The following DNAJC10 variants were observed in gnomAD, a reference collection of about 807,000 sequenced individuals.
DNAJC10 encodes endoplasmic reticulum disulfide reductase DNAJC10.
Under a neutral mutation model 115.0 loss-of-function variants are expected in DNAJC10, and 101 were observed. The ratio of observed to expected loss-of-function variants is 0.88; its 90% confidence interval spans 0.75 to 1.04. The LOEUF is 1.04. Ranked by LOEUF, DNAJC10 falls within the 50% of genes least tolerant of loss-of-function variation. The pLI, the probability that DNAJC10 is intolerant of heterozygous loss-of-function variation, is 0.00. For synonymous variants in DNAJC10, 307 were observed against 301.5 expected (o/e 1.02, Z -0.19); for missense variants, 981 against 928.8 (o/e 1.06, Z -0.73).
chr2:182,720,222 A>T, intron 4 of DNAJC10, 53 bp downstream of exon 4: 1 of 1,445,362 alleles, frequency 6.9e-7, no homozygotes, highest in Middle Eastern at 1.9e-4. Flanking sequence ...GTAAAAGAAA[A>T]GTGAATTCTG....
intron 22 of DNAJC10, among the ~76,000 whole-genome samples, chr2:182,764,300 C>A (rs1694357838): frequency 6.6e-6 from 1 of 152,106 alleles, no homozygotes; most frequent in South Asian, 2.1e-4. Flanking sequence ...ACATTATATA[C>A]CATGTGGCTT....
At chr2:182,734,805 A>T (rs1358030122) in intron 10 of DNAJC10, among the ~76,000 whole-genome samples, 2 of 151,784 alleles carry the variant, frequency 1.3e-5, no homozygotes, top group Non-Finnish European at 3.0e-5. Context: ...TAACCTGATG[A>T]AATAACCCTC....
intron 3 of DNAJC10, among the ~76,000 whole-genome samples, chr2:182,719,403 G>A (rs1471061244): frequency 5.9e-5 from 9 of 151,774 alleles, no homozygotes; most frequent in Admixed American, 2.0e-4. Flanking sequence ...ACAGGCGTGC[G>A]TCACTACTGC....
rs1034686424 is a variant in DNAJC10, at chr2:182,759,296, C to T, written c.2134C>T (p.Leu712Phe). 8.7e-6 allele frequency: 14 copies of T among 1,610,102 alleles called. No homozygotes were observed. Among genetic ancestry groups the T allele is most frequent in the African/African-American group, 1.3e-5 (1 of 74,716 alleles). Residue 712 changes from leucine (L) to phenylalanine (F), a missense_variant, in exon 21 of 24, where the codon CTC (leucine) becomes TTC (phenylalanine). Coordinates refer to ENST00000264065, the MANE Select transcript of DNAJC10 (RefSeq NM_018981.4). ...PCQNFAPEFELLARMIKGKVK... is the reference protein window; with the variant it reads ...PCQNFAPEFEFLARMIKGKVK... ...CCAGAATTTTGCTCCAGAATTTGAG[C>T]TCTTGGCTAGGGTAAGTCATACCTG...
At position 182,785,184 on chromosome 2, in the gene DNAJC10, A is replaced by AT. The variant is rs1694924531; in HGVS notation, c.*8053dup. On this transcript the variant is annotated 3_prime_UTR_variant, in exon 24 of 24. Coordinates refer to ENST00000264065, the MANE Select transcript of DNAJC10 (RefSeq NM_018981.4). The stretch of plus-strand genomic sequence containing the variant: ...CACTGCTATAGACATGTAAAGATAC[A>AT]TACATGTATTGGAGCTCAGCAGATT... The AT allele has an allele frequency of 6.6e-6, 1 of 152,224 alleles. No individual in the cohort carries two copies. The highest frequency in any genetic ancestry group is 1.5e-5 in the Non-Finnish European group (1 of 68,032). The allele number at this position is 152,224 out of a possible 1,614,324, so 9.4% of individuals were successfully genotyped here.
rs898104182 is a variant in DNAJC10, at chr2:182,790,853, T to A, written c.*13721T>A. On this transcript the variant is annotated 3_prime_UTR_variant, in exon 24 of 24. Transcript: ENST00000264065. ...CTTCTAACACTAAAATCAAATAACC[T>A]TACTTATCAGTTACATTGCCTACTA... The A allele has an allele frequency of 6.6e-6, 1 of 152,018 alleles. No individual in the cohort carries two copies. Among genetic ancestry groups the A allele is most frequent in the African/African-American group, 2.4e-5 (1 of 41,398 alleles). The allele number at this position is 152,018 out of a possible 1,614,324, so 9.4% of individuals were successfully genotyped here. A position where few individuals can be genotyped will look rare whatever the true frequency, so the allele number is the denominator to read the frequency against.
In DNAJC10 at chr2:182,717,944, A is replaced by G; in HGVS notation, c.-143A>G. 1.9e-6 allele frequency: 1 copy of G among 513,598 alleles called. No homozygotes were observed. The allele number at this position is 513,598 out of a possible 1,614,324, so 31.8% of individuals were successfully genotyped here. ...ACTGCCTGCTTTTCTTTCTTAGATT[A>G]ATATTTTTGGGGACAGATTTGTGAT... On this transcript the variant is annotated 5_prime_UTR_variant, in exon 3 of 24. Coordinates refer to ENST00000264065, the MANE Select transcript of DNAJC10 (RefSeq NM_018981.4).
chr2:182,739,672 A>G (rs1231906810), intron 11 of DNAJC10: 1 of 1,057,114 alleles, frequency 9.5e-7, no homozygotes, highest in Non-Finnish European at 1.2e-6. Flanking sequence ...TGTTTTAAAT[A>G]AGAGACTCGG....
At chr2:182,734,475 G>A (rs758950376) in intron 10 of DNAJC10, among the ~76,000 whole-genome samples, 2 of 151,542 alleles carry the variant, frequency 1.3e-5, no homozygotes, top group African/African-American at 2.4e-5. Context: ...GTTAAGCCTT[G>A]TTTCATGGCC....
chr2:182,751,921 T>C, intron 15 of DNAJC10, 136 bp downstream of exon 15: 1 of 1,262,178 alleles, frequency 7.9e-7, no homozygotes, highest in South Asian at 1.4e-5. Flanking sequence ...TGCATATTGC[T>C]TTTAAATGAG....
intron 22 of DNAJC10, among the ~76,000 whole-genome samples, chr2:182,770,369 G>A (rs1046701926): frequency 2.0e-5 from 3 of 152,180 alleles, no homozygotes; most frequent in Non-Finnish European, 4.4e-5. Flanking sequence ...TTGGTAGCTT[G>A]ATGGGGATGG....
intron 22 of DNAJC10, among the ~76,000 whole-genome samples, chr2:182,771,355 G>A (rs1694559283): frequency 1.3e-5 from 2 of 152,184 alleles, no homozygotes. Flanking sequence ...ATGAGTTAGG[G>A]AGGATTCCCT....
chr2:182,720,219 A>T (rs1469593367), intron 4 of DNAJC10, 50 bp downstream of exon 4: 1 of 1,455,888 alleles, frequency 6.9e-7, no homozygotes, highest in Non-Finnish European at 9.4e-7. Context: ...TGAGTAAAAG[A>T]AAAGTGAATT....
chr2:182,730,459 C>A, intron 8 of DNAJC10: 1 of 397,950 alleles, frequency 2.5e-6, no homozygotes, highest in African/African-American at 2.1e-5. Flanking sequence ...TATATAGTCC[C>A]TGCCATCAGT....
chr2:182,737,023 T>C (rs1693602125), intron 11 of DNAJC10, among the ~76,000 whole-genome samples: 1 of 152,258 alleles, frequency 6.6e-6, no homozygotes, highest in Non-Finnish European at 1.5e-5. Context: ...GAGCTGGGAT[T>C]ACAGGCGTGA....
chr2:182,764,677 TG>T (rs1172031049), intron 22 of DNAJC10, among the ~76,000 whole-genome samples: 17 of 152,054 alleles, frequency 1.1e-4, no homozygotes, highest in Non-Finnish European at 2.5e-4. Context: ...TATATAAGGG[TG>T]CATAGTACAA....
At chr2:182,753,834 G>A (rs555704032) in intron 16 of DNAJC10, among the ~76,000 whole-genome samples, 25 of 151,990 alleles carry the variant, frequency 1.6e-4, no homozygotes, top group African/African-American at 5.8e-4. Context: ...CTCCCACCTC[G>A]GCCTCCCAAA....
intron 6 of DNAJC10, 36 bp from the exon 7 acceptor site, chr2:182,728,827 C>T (rs1693359232): frequency 1.9e-6 from 3 of 1,611,606 alleles, no homozygotes; most frequent in Non-Finnish European, 2.5e-6. Flanking sequence ...GAAAAGTGGT[C>T]TTATCAGAGA....
rs1275783731 is a variant in DNAJC10 at position 182,787,141 on chromosome 2, A to T, written c.*10009A>T. The T allele has an allele frequency of 1.3e-5, 2 of 152,202 alleles. No homozygotes were observed. Among genetic ancestry groups the T allele is most frequent in the Non-Finnish European group, 2.9e-5 (2 of 68,078 alleles). The allele number at this position is 152,202 out of a possible 1,614,324, so 9.4% of individuals were successfully genotyped here. A position where few individuals can be genotyped will look rare whatever the true frequency, so the allele number is the denominator to read the frequency against. The stretch of plus-strand genomic sequence containing the variant: ...TTATAGCAGCCTGGACAGACAATAT[A>T]TTGAAAAAAATCAGTTTTGCAGTTC... On this transcript the variant is annotated 3_prime_UTR_variant, in exon 24 of 24. Coordinates refer to ENST00000264065, the MANE Select transcript of DNAJC10 (RefSeq NM_018981.4).
Sources: allele counts gnomAD v4.1 joint callset (sites outside exome capture counted in the v4.1 genomes callset), GRCh38; gene constraint gnomAD v4.1.1; transcripts MANE v1.5; gene names NCBI Gene and HGNC (gene_info 2026-07-23, HGNC 2026-07-21).